Variants in VAV3 observed in about 807,000 individuals in gnomAD.
The protein encoded by VAV3 is vav guanine nucleotide exchange factor 3.
VAV3 carries 94 observed loss-of-function variants against 131.2 expected under a neutral mutation model. That is an observed-to-expected ratio of 0.72 (90% CI 0.61 to 0.85). VAV3 has a LOEUF of 0.85. Ranked by LOEUF, VAV3 falls within the 40% of genes least tolerant of loss-of-function variation. The probability of loss-of-function intolerance (pLI) is 0.00; values close to 1 mark genes in which losing one functional copy is unlikely to be tolerated. For missense variants in VAV3, 939 were observed against 1,002.7 expected, an observed-to-expected ratio of 0.94 and a Z score of 0.86; for synonymous variants, 349 against 342.0, an observed-to-expected ratio of 1.02 and a Z score of -0.22.
intron 25 of VAV3, among the ~76,000 whole-genome samples, chr1:107,582,405 GTA>G (rs998559305): frequency 6.6e-6 from 1 of 151,916 alleles, no homozygotes; most frequent in African/African-American, 2.4e-5. Context: ...ACTGCTTATT[GTA>G]TATATATATT....
At chr1:107,838,215 CA>C (rs1452586636) in intron 2 of VAV3, among the ~76,000 whole-genome samples, 1 of 152,072 alleles carries the variant, frequency 6.6e-6, no homozygotes. Flanking sequence ...ATGCATCCGA[CA>C]AAGCTCTAAT....
chr1:107,889,300 T>C (rs1671204653), intron 1 of VAV3, among the ~76,000 whole-genome samples: 1 of 152,144 alleles, frequency 6.6e-6, no homozygotes, highest in South Asian at 2.1e-4. Context: ...AGTAAACATC[T>C]GAGAGGAGAG....
At position 107,850,747 on chromosome 1, in the gene VAV3, A is replaced by G. The variant is rs2100953628; in HGVS notation, c.321+24154T>C. On this transcript the variant is annotated intron_variant, in intron 2 of 26. Coordinates refer to ENST00000370056, the MANE Select transcript of VAV3 (RefSeq NM_006113.5). ...TTTTTAAAAAAAAGAAAGAAAAAAT[A>G]AAGTTTTCTTCCTTTTAATTTGTAG... Among the ~76,000 whole-genome samples the G allele has an allele frequency of 5.9e-5, 9 of 152,284 alleles. 1 individual carries two copies. The South Asian group carries it at 1.9e-3, about 32-fold the overall frequency.
At chr1:107,585,275 G>C (rs557610156) in intron 25 of VAV3, among the ~76,000 whole-genome samples, 66 of 152,244 alleles carry the variant, frequency 4.3e-4, no homozygotes, top group African/African-American at 1.6e-3. Flanking sequence ...GCTACGTGCT[G>C]TTCCAGGCCA....
At chr1:107,611,596 C>CAAA (rs66982121) in intron 21 of VAV3, among the ~76,000 whole-genome samples, 9 of 119,922 alleles carry the variant, frequency 7.5e-5, no homozygotes, top group East Asian at 2.5e-4. Context: ...CATAGAGAAC[C>CAAA]AAAAAAAAAA....
chr1:107,660,402 A>T (rs1656922843), intron 19 of VAV3, among the ~76,000 whole-genome samples: 1 of 152,200 alleles, frequency 6.6e-6, no homozygotes, highest in East Asian at 1.9e-4. Context: ...GCTTTGAAAC[A>T]AGGTAACTAG....
chr1:107,722,704 G>A (rs929890456), intron 15 of VAV3, among the ~76,000 whole-genome samples: 2 of 152,040 alleles, frequency 1.3e-5, no homozygotes, highest in African/African-American at 4.8e-5. Context: ...CATGAGGTGA[G>A]GTTCTATGAT....
chr1:107,942,635 C>T (rs1023294018), intron 1 of VAV3, among the ~76,000 whole-genome samples: 5 of 152,120 alleles, frequency 3.3e-5, no homozygotes, highest in African/African-American at 1.2e-4. Flanking sequence ...TCTTTTCAGT[C>T]TACTACTGCT....
At chr1:107,836,563 A>C (rs535110883) in intron 2 of VAV3, among the ~76,000 whole-genome samples, 1 of 152,246 alleles carries the variant, frequency 6.6e-6, no homozygotes, top group Non-Finnish European at 1.5e-5. Context: ...GAAGAAAAGA[A>C]ATAAAATCAG....
chr1:107,725,593 C>A (rs1297548261), intron 15 of VAV3, among the ~76,000 whole-genome samples: 2 of 152,154 alleles, frequency 1.3e-5, no homozygotes, highest in Non-Finnish European at 2.9e-5. Flanking sequence ...TGGCTCACTG[C>A]AACCTCTGCC....
chr1:107,763,501 A>G (rs1015516941), intron 9 of VAV3, among the ~76,000 whole-genome samples: 1 of 152,204 alleles, frequency 6.6e-6, no homozygotes, highest in African/African-American at 2.4e-5. Flanking sequence ...TTGCCCTACT[A>G]GGAAGTAGGT....
intron 2 of VAV3, among the ~76,000 whole-genome samples, chr1:107,796,673 C>T (rs1326799760): frequency 6.6e-6 from 1 of 151,784 alleles, no homozygotes; most frequent in East Asian, 1.9e-4. Context: ...ACTTATTATG[C>T]TCACAGGTAT....
At chr1:107,895,284 T>C (rs1671513513) in intron 1 of VAV3, among the ~76,000 whole-genome samples, 1 of 152,210 alleles carries the variant, frequency 6.6e-6, no homozygotes, top group African/African-American at 2.4e-5. Context: ...CTCAAAGGTG[T>C]AGAAAACCAT....
intron 25 of VAV3, among the ~76,000 whole-genome samples, chr1:107,585,628 T>C (rs1419377736): frequency 6.6e-6 from 1 of 152,138 alleles, no homozygotes; most frequent in South Asian, 2.1e-4. Context: ...TTCACCTCCT[T>C]GAGAGTCTTG....
chr1:107,583,155 G>C (rs1252239556), intron 25 of VAV3, among the ~76,000 whole-genome samples: 1 of 152,154 alleles, frequency 6.6e-6, no homozygotes, highest in African/African-American at 2.4e-5. Context: ...GCATTTCTCT[G>C]ATGGCCAGTG....
At chr1:107,779,571 A>C (rs1229726649) in intron 2 of VAV3, 79 bp from the exon 3 acceptor site, 2 of 1,100,808 alleles carry the variant, frequency 1.8e-6, no homozygotes, top group Middle Eastern at 2.1e-4. Context: ...TTTTCAATCT[A>C]ATATTAACCA....
At chr1:107,749,318 C>G in intron 14 of VAV3, 144 bp downstream of exon 14, 1 of 985,668 alleles carries the variant, frequency 1.0e-6, no homozygotes, top group South Asian at 1.8e-5. Flanking sequence ...CCAGTTATTT[C>G]TCACAAAGTT....
intron 4 of VAV3, among the ~76,000 whole-genome samples, chr1:107,776,364 T>G (rs142059121): frequency 0.011 from 1,640 of 152,312 alleles, 11 homozygotes; most frequent in South Asian, 0.031. Context: ...AAACCAAGAC[T>G]GTCTCAGGCA....
chr1:107,854,286 G>A (rs1044219454), intron 2 of VAV3, among the ~76,000 whole-genome samples: 11 of 151,974 alleles, frequency 7.2e-5, no homozygotes, highest in African/African-American at 2.7e-4. Context: ...TTCCAACTTG[G>A]GCAACAGAGC....
Sources: allele counts gnomAD v4.1 joint callset (sites outside exome capture counted in the v4.1 genomes callset), GRCh38; gene constraint gnomAD v4.1.1; transcripts MANE v1.5; gene names NCBI Gene and HGNC (gene_info 2026-07-23, HGNC 2026-07-21).